Variants in AFAP1 observed in about 807,000 individuals in gnomAD.
The protein encoded by AFAP1 is actin filament associated protein 1, also known as actin filament-associated protein 1.
A neutral mutation model predicts 93.9 loss-of-function variants in AFAP1; 75 were observed. The ratio of observed to expected loss-of-function variants is 0.80; its 90% CI spans 0.66 to 0.97. The LOEUF (loss-of-function observed/expected upper bound fraction) is 0.97, where lower values mean the gene tolerates loss of function less well. Ranked by LOEUF, AFAP1 falls within the 50% of genes least tolerant of loss-of-function variation. The pLI, the probability that AFAP1 is intolerant of heterozygous loss-of-function variation, is 0.00. For missense variants in AFAP1, 1,201 were observed against 1,050.8 expected (o/e 1.14, Z -1.98); for synonymous variants, 517 against 430.7 (o/e 1.20, Z -2.48).
At chr4:7,935,532 T>C (rs1391072214) in intron 1 of AFAP1, among the ~76,000 whole-genome samples, 3 of 152,076 alleles carry the variant, frequency 2.0e-5, no homozygotes, top group Non-Finnish European at 4.4e-5. Context: ...GAGAGGAAGG[T>C]AGACAGCAAA....
intron 8 of AFAP1, among the ~76,000 whole-genome samples, chr4:7,812,223 A>T (rs139831001): frequency 3.7e-4 from 56 of 152,264 alleles, no homozygotes; most frequent in African/African-American, 1.3e-3. Context: ...CCTGTTGGCC[A>T]GGACAGCCCG....
chr4:7,783,033 G>A (rs1716924511), intron 12 of AFAP1, among the ~76,000 whole-genome samples: 1 of 152,210 alleles, frequency 6.6e-6, no homozygotes, highest in South Asian at 2.1e-4. Flanking sequence ...CTAGTTTAAA[G>A]TATGTGAGTG....
In AFAP1 at chr4:7,770,391, C is replaced by A. The variant is rs577731931; in HGVS notation, c.2254-1383G>T. ...CTAACATGTCCACTGGATGGGAATG[C>A]CGGGGGTCACCATGATGAAAGCAGG... On this transcript the variant is annotated intron_variant, in intron 16 of 17. Transcript: ENST00000420658. Among the ~76,000 whole-genome samples the A allele has an allele frequency of 1.3e-4, 20 of 152,214 alleles. 1 individual carries two copies. The highest frequency in any genetic ancestry group is 4.8e-4 in the African/African-American group (20 of 41,532).
rs79973885 is a variant in AFAP1, at chr4:7,787,804, G to C, written c.1413-1493C>G. On this transcript the variant is annotated intron_variant, in intron 11 of 17. Coordinates refer to ENST00000420658, the MANE Select transcript of AFAP1 (RefSeq NM_001134647.2). ...AGGGCCTCGGGGCTCCGAGGGACTG[G>C]GTTTCTGCTCCGTCCCTGCGCTGTG... 3.9e-3 allele frequency among the ~76,000 whole-genome samples: 587 copies of C among 152,216 alleles called. 4 individuals are homozygous for C. Among genetic ancestry groups the C allele is most frequent in the African/African-American group, 0.013 (558 of 41,534 alleles).
At chr4:7,915,517 G>C (rs1720041541) in intron 1 of AFAP1, among the ~76,000 whole-genome samples, 1 of 152,086 alleles carries the variant, frequency 6.6e-6, no homozygotes, top group Non-Finnish European at 1.5e-5. Flanking sequence ...AGAAATATCT[G>C]TGTCTGTTCA....
At chr4:7,921,024 G>GT (rs985889756) in intron 1 of AFAP1, among the ~76,000 whole-genome samples, 21 of 151,292 alleles carry the variant, frequency 1.4e-4, no homozygotes, top group South Asian at 6.2e-4. Flanking sequence ...ATAAATATGG[G>GT]TTTTTTTAAT....
chr4:7,856,098 G>T (rs78593797), intron 3 of AFAP1, among the ~76,000 whole-genome samples: 1 of 152,202 alleles, frequency 6.6e-6, no homozygotes, highest in East Asian at 1.9e-4. Flanking sequence ...CTGAGTGCAC[G>T]AGTGAGGCTT....
chr4:7,810,851 G>A (rs1719959186), intron 8 of AFAP1, among the ~76,000 whole-genome samples: 1 of 152,132 alleles, frequency 6.6e-6, no homozygotes, highest in South Asian at 2.1e-4. Flanking sequence ...CCACGATGGA[G>A]GCCCAGAGTC....
At chr4:7,787,288 G>T (rs1319864510) in intron 11 of AFAP1, among the ~76,000 whole-genome samples, 8 of 152,212 alleles carry the variant, frequency 5.3e-5, no homozygotes, top group Non-Finnish European at 1.0e-4. Context: ...CACATGCTTT[G>T]CCCGGCGCAC....
At chr4:7,861,263 G>A (rs1560205570) in intron 3 of AFAP1, among the ~76,000 whole-genome samples, 1 of 152,202 alleles carries the variant, frequency 6.6e-6, no homozygotes, top group Admixed American at 6.5e-5. Flanking sequence ...TCTAACTGAT[G>A]TATTTCAGCA....
chr4:7,827,042 G>A (rs774880980), intron 6 of AFAP1, among the ~76,000 whole-genome samples: 9 of 152,106 alleles, frequency 5.9e-5, no homozygotes, highest in Non-Finnish European at 8.8e-5. Flanking sequence ...AGATGGAAAC[G>A]ATTTAAAAAA....
chr4:7,811,009 C>T (rs1020315721), intron 8 of AFAP1, among the ~76,000 whole-genome samples: 4 of 152,212 alleles, frequency 2.6e-5, no homozygotes, highest in African/African-American at 7.2e-5. Context: ...GCACCAGAAC[C>T]GAGTGACAAG....
intron 6 of AFAP1, among the ~76,000 whole-genome samples, chr4:7,821,364 T>C (rs569766157): frequency 5.8e-4 from 88 of 152,318 alleles, no homozygotes; most frequent in Middle Eastern, 3.4e-3. Flanking sequence ...TGATGACCTA[T>C]GATAAGAGCT....
At chr4:7,795,077 T>A (rs1479063696) in intron 10 of AFAP1, among the ~76,000 whole-genome samples, 1 of 152,200 alleles carries the variant, frequency 6.6e-6, no homozygotes, top group Non-Finnish European at 1.5e-5. Context: ...TTGACAAGTT[T>A]AACACTGATC....
At chr4:7,777,025 G>GAACA (rs963730511) in intron 14 of AFAP1, 1 of 152,094 alleles carries the variant, frequency 6.6e-6, no homozygotes, top group Admixed American at 6.5e-5. Flanking sequence ...ACTCCCTACA[G>GAACA]AACATCCCAT....
In AFAP1 at chr4:7,868,604, G is replaced by A; in HGVS notation, c.225+18C>T. On this transcript the variant is annotated intron_variant, in intron 3 of 17. Coordinates refer to ENST00000420658, the MANE Select transcript of AFAP1 (RefSeq NM_001134647.2). ...GGCCTCCAGCGATGACCACTGAGAT[G>A]GTGGGACCTTGACTCACCAGCCAGG... 1 of 1,607,182 alleles carries A rather than the reference G, an allele frequency of 6.2e-7. No homozygotes were observed. Among genetic ancestry groups the A allele is most frequent in the South Asian group, 1.1e-5 (1 of 90,610 alleles).
intron 1 of AFAP1, among the ~76,000 whole-genome samples, chr4:7,914,253 C>T (rs1031110031): frequency 1.3e-5 from 2 of 152,214 alleles, no homozygotes; most frequent in Admixed American, 6.5e-5. Flanking sequence ...CGGGGTTTCG[C>T]CACGTTGGCC....
chr4:7,764,892 T>C (rs1416844357), intron 17 of AFAP1, among the ~76,000 whole-genome samples: 1 of 152,156 alleles, frequency 6.6e-6, no homozygotes, highest in East Asian at 1.9e-4. Context: ...GATTGTGTGA[T>C]GCCAGGAGTT....
intron 3 of AFAP1, chr4:7,861,932 A>T (rs961175076): frequency 1.3e-5 from 2 of 152,260 alleles, no homozygotes; most frequent in Admixed American, 1.3e-4. Flanking sequence ...AATCTCAAAG[A>T]GCCTCGTAAT....
Sources: gnomAD v4.1 joint callset for allele counts (sites outside exome capture counted in the v4.1 genomes callset) on GRCh38, gnomAD v4.1.1 for gene constraint, MANE v1.5 for transcripts, NCBI Gene and HGNC (gene_info 2026-07-23, HGNC 2026-07-21) for gene names.